GNG7: variants seen among roughly 807,000 people sequenced by gnomAD.
The protein encoded by GNG7 is G protein subunit gamma 7, also known as guanine nucleotide-binding protein G(I)/G(S)/G(O) subunit gamma-7.
GNG7 carries 1 observed loss-of-function variant against 4.0 expected under a neutral mutation model. That is an observed-to-expected ratio of 0.25 (90% CI 0.09 to 1.18). The LOEUF is 1.18. Among genes scored for constraint, GNG7 ranks in the 50% most tolerant of loss-of-function variants. The pLI, the probability that GNG7 is intolerant of heterozygous loss-of-function variation, is 0.50. For missense variants in GNG7, 86 were observed against 91.9 expected (o/e 0.94, Z 0.26); for synonymous variants, 34 against 36.9 (o/e 0.92, Z 0.29).
At chr19:2,702,586 C>G (rs1465975561) in intron 1 of GNG7, 60 bp downstream of exon 1, 3 of 151,946 alleles carry the variant, frequency 2.0e-5, no homozygotes, top group African/African-American at 4.8e-5. Flanking sequence ...GTCCCAGTCC[C>G]CTCTCCGGGA....
In GNG7 at chr19:2,520,658, G is replaced by C. The variant is rs753275850; in HGVS notation, c.31C>G (p.Arg11Gly). 1.5e-5 allele frequency: 24 copies of C among 1,552,040 alleles called. No individual in the cohort carries two copies. The Middle Eastern group carries it at 5.0e-4, about 32-fold the overall frequency. Reference sequence around the variant, plus strand: ...ATGCGTAGCTGTTCCACCAGCTTCCGGGCCTGGGCTATGTTGTTAGTGGCT... The same window carrying C: ...ATGCGTAGCTGTTCCACCAGCTTCCCGGCCTGGGCTATGTTGTTAGTGGCT... MSATNNIAQA[R>G]KLVEQLRIEA... is the part of the protein sequence containing the mutation. Residue 11 changes from arginine to glycine, a missense_variant, in exon 4 of 5, where the codon CGG (arginine) becomes GGG (glycine). Physicochemically the swap from Arg to Gly is moderately radical, Grantham distance 125. Coordinates refer to ENST00000382159, the MANE Select transcript of GNG7 (RefSeq NM_052847.3).
Position 2,546,984 on chromosome 19 carries a change from C to T in GNG7, c.-38+8165G>A, listed in dbSNP as rs372225209. On this transcript the variant is annotated intron_variant, in intron 3 of 4. Coordinates refer to ENST00000382159, the MANE Select transcript of GNG7 (RefSeq NM_052847.3). This position sits in a 1 kb window ranked among gnomAD's most constrained non-coding sequence, Gnocchi z 6.3. ...GCGCCGGCCTCGTGACGGTGGTGCTCGGGAGCTGAAGGGCAGGAGGGTTAG... is the reference window on the plus strand; with the variant it reads ...GCGCCGGCCTCGTGACGGTGGTGCTTGGGAGCTGAAGGGCAGGAGGGTTAG... 7.9e-5 allele frequency among the ~76,000 whole-genome samples: 12 copies of T among 151,876 alleles called. No individual in the cohort carries two copies. Among genetic ancestry groups the T allele is most frequent in the East Asian group, 3.9e-4 (2 of 5,164 alleles).
At position 2,546,744 on chromosome 19, in the gene GNG7, C is replaced by A. The variant is rs527270432; in HGVS notation, c.-38+8405G>T. ...GCCGCCAGTGTGGGTTTGGTCGCCG[C>A]GGTGACGGGAGCAGGAGAAAAGAAA... On this transcript the variant is annotated intron_variant, in intron 3 of 4. Transcript: ENST00000382159. This position sits in a 1 kb window ranked among gnomAD's most constrained non-coding sequence, Gnocchi z 6.3. Among the ~76,000 whole-genome samples, 4 of 152,120 alleles carry A rather than the reference C, an allele frequency of 2.6e-5. No homozygotes were observed. Among genetic ancestry groups the A allele is most frequent in the African/African-American group, 7.2e-5 (3 of 41,414 alleles).
chr19:2,577,783 GAAAT>G (rs895071886), intron 2 of GNG7, among the ~76,000 whole-genome samples: 1 of 148,782 alleles, frequency 6.7e-6, no homozygotes, highest in Non-Finnish European at 1.5e-5. Flanking sequence ...TTTATATTGA[GAAAT>G]AAATCTAAAA....
intron 2 of GNG7, among the ~76,000 whole-genome samples, chr19:2,558,238 G>T (rs994488100): frequency 2.0e-5 from 1 of 50,372 alleles, no homozygotes. Context: ...GTGTTTTTTT[G>T]TTTTTGTTTT....
chr19:2,690,774 A>C (rs186301750), intron 1 of GNG7, among the ~76,000 whole-genome samples: 1 of 152,192 alleles, frequency 6.6e-6, no homozygotes, highest in East Asian at 1.9e-4. Context: ...TTGTATTGTT[A>C]ATAAAGACGG....
At chr19:2,667,258 G>A (rs1232868146) in intron 1 of GNG7, among the ~76,000 whole-genome samples, 1 of 151,990 alleles carries the variant, frequency 6.6e-6, no homozygotes, top group East Asian at 1.9e-4. Flanking sequence ...GGAGGCGGAG[G>A]TTGCAGTGAG....
intron 2 of GNG7, among the ~76,000 whole-genome samples, chr19:2,592,368 A>G (rs996834319): frequency 6.6e-6 from 1 of 152,154 alleles, no homozygotes; most frequent in African/African-American, 2.4e-5. Context: ...CAGCATTTTT[A>G]TTTCTAGCAA....
chr19:2,672,607 G>A (rs994708463), intron 1 of GNG7, among the ~76,000 whole-genome samples: 10 of 151,920 alleles, frequency 6.6e-5, no homozygotes, highest in African/African-American at 1.9e-4. Flanking sequence ...TCACCACACC[G>A]GCTAATTTTT....
chr19:2,620,159 G>A (rs1030680135), intron 2 of GNG7, among the ~76,000 whole-genome samples: 8 of 142,426 alleles, frequency 5.6e-5, no homozygotes, highest in African/African-American at 1.3e-4. Flanking sequence ...AGCCGAGATC[G>A]CGCCATAGCA....
chr19:2,686,160 AT>A (rs200980036), intron 1 of GNG7, among the ~76,000 whole-genome samples: 27,574 of 143,014 alleles, frequency 0.19, 3,291 homozygotes, highest in East Asian at 0.58. Flanking sequence ...CTGTCTCAGC[AT>A]TTTTTTTTTT....
chr19:2,591,453 GTTTTT>G (rs59564767), intron 2 of GNG7, among the ~76,000 whole-genome samples: 23,720 of 123,796 alleles, frequency 0.19, 2,252 homozygotes, highest in African/African-American at 0.25. Context: ...AAAATAAAGG[GTTTTT>G]TTTTTTTTTT....
chr19:2,668,936 C>G (rs1168235468), intron 1 of GNG7, among the ~76,000 whole-genome samples: 1 of 152,086 alleles, frequency 6.6e-6, no homozygotes, highest in Non-Finnish European at 1.5e-5. Context: ...TGCCAAATGT[C>G]CCCTGGGAAG....
chr19:2,520,127 G>A (rs1024693840), intron 4 of GNG7, among the ~76,000 whole-genome samples: 1 of 152,234 alleles, frequency 6.6e-6, no homozygotes, highest in African/African-American at 2.4e-5. Context: ...GTTGCAGTGA[G>A]CCGAGATCGC....
intron 1 of GNG7, among the ~76,000 whole-genome samples, chr19:2,646,760 G>A (rs536908080): frequency 5.9e-5 from 9 of 152,218 alleles, no homozygotes; most frequent in South Asian, 2.1e-4. Context: ...GATTTATGAC[G>A]TTATTCCTAA....
intron 1 of GNG7, among the ~76,000 whole-genome samples, chr19:2,667,732 T>A (rs1223948825): frequency 2.6e-5 from 4 of 152,092 alleles, no homozygotes; most frequent in African/African-American, 9.7e-5. Flanking sequence ...CTGGCCAACA[T>A]GGTGAAACCC....
intron 2 of GNG7, among the ~76,000 whole-genome samples, chr19:2,565,238 G>T (rs994075817): frequency 6.6e-6 from 1 of 151,902 alleles, no homozygotes; most frequent in Non-Finnish European, 1.5e-5. Flanking sequence ...TGTGCCAGGC[G>T]CGGTGGCTCA....
In GNG7 at chr19:2,512,831, G is replaced by A. The variant is rs1599366525; in HGVS notation, c.*2191C>T. 6.7e-6 allele frequency: 6 copies of A among 900,728 alleles called. No homozygotes were observed. Among genetic ancestry groups the A allele is most frequent in the African/African-American group, 5.4e-5 (3 of 55,698 alleles). The allele number at this position is 900,728 out of a possible 1,614,324, so 55.8% of individuals were successfully genotyped here. On this transcript the variant is annotated 3_prime_UTR_variant, in exon 5 of 5. Transcript: ENST00000382159. This position sits in a 1 kb window ranked among gnomAD's most constrained non-coding sequence, Gnocchi z 4.7. The stretch of plus-strand genomic sequence containing the variant: ...GGGTGGAGGCAGGCGGGCTCTCCCT[G>A]CCTGGGGTCCTCCCAGGGTCTCTGG...
At chr19:2,637,955 TGGGA>T (rs1982360520) in intron 2 of GNG7, among the ~76,000 whole-genome samples, 1 of 151,186 alleles carries the variant, frequency 6.6e-6, no homozygotes, top group South Asian at 2.1e-4. Context: ...CACCCTGAGT[TGGGA>T]GGGAGAGAGG....
Sources: gnomAD v4.1 joint callset for allele counts (sites outside exome capture counted in the v4.1 genomes callset) on GRCh38, gnomAD v4.1.1 for gene constraint, Gnocchi (gnomAD v3.1) non-coding constraint, MANE v1.5 for transcripts, NCBI Gene and HGNC (gene_info 2026-07-23, HGNC 2026-07-21) for gene names.